Variants in RNGTT observed in about 807,000 individuals in gnomAD.
RNGTT encodes the protein mRNA-capping enzyme.
Under a neutral mutation model 79.3 loss-of-function variants are expected in RNGTT, and 33 were observed. The observed-to-expected ratio is 0.42, with a 90% CI of 0.32 to 0.56. The LOEUF is 0.56. RNGTT is among the 20% of genes least tolerant of loss of function. RNGTT has a pLI of 0.17. For synonymous variants in RNGTT, 222 were observed against 235.9 expected (o/e 0.94, Z 0.54); for missense variants, 497 against 739.1 (o/e 0.67, Z 3.80).
At chr6:88,806,528 G>T (rs1779961147) in intron 11 of RNGTT, among the ~76,000 whole-genome samples, 1 of 151,862 alleles carries the variant, frequency 6.6e-6, no homozygotes, top group Non-Finnish European at 1.5e-5. Context: ...TGTTAGCCAG[G>T]ATGGTCTCAA....
chr6:88,630,986 A>G (rs1041487552), intron 14 of RNGTT, among the ~76,000 whole-genome samples: 4 of 152,166 alleles, frequency 2.6e-5, no homozygotes, highest in Admixed American at 2.6e-4. Flanking sequence ...TGTTTACTTT[A>G]TTACAGCTTA....
rs567350585 is a variant in RNGTT, at chr6:88,649,552, C to T, written c.1506+28801G>A. ...CTTTAATAAAAATACAAAAAATTAG[C>T]TGGGCGTGGTGGCGGGCACCTGTAG... On this transcript the variant is annotated intron_variant, in intron 14 of 15. Transcript: ENST00000369485. 2.0e-4 allele frequency among the ~76,000 whole-genome samples: 30 copies of T among 152,244 alleles called. No homozygotes were observed. In the East Asian group the frequency reaches 4.6e-3, roughly 24 times the overall value.
rs867535186 is a variant in RNGTT, at chr6:88,838,799, C to T, written c.1269+5558G>A. Among the ~76,000 whole-genome samples the T allele has an allele frequency of 3.9e-5, 6 of 151,950 alleles. No homozygotes were observed. The South Asian group carries it at 1.3e-3, about 32-fold the overall frequency. Reference sequence around the variant, plus strand: ...TGAAAATGCAAAGGCCTAGAATAGCCAAAACAACTTAGAAAAGAACAACAA... The same window carrying T: ...TGAAAATGCAAAGGCCTAGAATAGCTAAAACAACTTAGAAAAGAACAACAA... On this transcript the variant is annotated intron_variant, in intron 11 of 15. Transcript: ENST00000369485.
chr6:88,771,315 GTATATATA>G lies in RNGTT; in HGVS notation c.1339-1449_1339-1442del, dbSNP rs539282627. ...ACTGTATGTATGTATGTGTGTGTGTGTATATATATATATATATATATATATATATATAT... is the reference window on the plus strand; with the variant it reads ...ACTGTATGTATGTATGTGTGTGTGTGTATATATATATATATATATATATAT... On this transcript the variant is annotated intron_variant, in intron 12 of 15. Coordinates refer to ENST00000369485, the MANE Select transcript of RNGTT (RefSeq NM_003800.5). Among the ~76,000 whole-genome samples, 169 of 62,070 alleles carry G rather than the reference GTATATATA, an allele frequency of 2.7e-3. 2 individuals are homozygous for G. Among genetic ancestry groups the G allele is most frequent in the South Asian group, 6.9e-3 (12 of 1,738 alleles). The allele number at this position is 62,070 out of a possible 152,430, so 40.7% of individuals were successfully genotyped here. A position where few individuals can be genotyped will look rare whatever the true frequency, so the allele number is the denominator to read the frequency against.
intron 12 of RNGTT, among the ~76,000 whole-genome samples, chr6:88,775,113 AT>A (rs1456307600): frequency 6.6e-6 from 1 of 152,130 alleles, no homozygotes; most frequent in African/African-American, 2.4e-5. Context: ...ATTAATTGAA[AT>A]TTTTTGATAT....
At chr6:88,833,354 A>C (rs1780943763) in intron 11 of RNGTT, among the ~76,000 whole-genome samples, 1 of 152,172 alleles carries the variant, frequency 6.6e-6, no homozygotes, top group Non-Finnish European at 1.5e-5. Context: ...TCTTCAACTC[A>C]TAAGTGGGAG....
chr6:88,946,437 A>G (rs991650140), intron 1 of RNGTT, among the ~76,000 whole-genome samples: 9 of 151,910 alleles, frequency 5.9e-5, no homozygotes, highest in Admixed American at 5.9e-4. Context: ...AATTAGGCCA[A>G]TTAATAACCC....
chr6:88,870,434 C>T (rs573738428), intron 8 of RNGTT, among the ~76,000 whole-genome samples: 1 of 151,478 alleles, frequency 6.6e-6, no homozygotes, highest in African/African-American at 2.4e-5. Flanking sequence ...ATAAATTTCA[C>T]TGCCTATAAA....
intron 13 of RNGTT, among the ~76,000 whole-genome samples, chr6:88,735,555 T>G (rs905319314): frequency 9.5e-6 from 1 of 105,036 alleles, no homozygotes; most frequent in East Asian, 2.5e-4. Flanking sequence ...TACTTCAGAA[T>G]AACACGAGTG....
chr6:88,733,643 C>T (rs1334970528), intron 13 of RNGTT, among the ~76,000 whole-genome samples: 2 of 151,604 alleles, frequency 1.3e-5, no homozygotes, highest in East Asian at 1.9e-4. Context: ...AATCTACACA[C>T]AGGCACATTA....
intron 11 of RNGTT, among the ~76,000 whole-genome samples, chr6:88,833,552 C>T (rs1414679272): frequency 6.6e-6 from 1 of 152,182 alleles, no homozygotes; most frequent in Non-Finnish European, 1.5e-5. Flanking sequence ...ATGTTCTGCA[C>T]ATGTATCCCA....
At chr6:88,700,818 T>C (rs1019838109) in intron 13 of RNGTT, among the ~76,000 whole-genome samples, 1 of 152,160 alleles carries the variant, frequency 6.6e-6, no homozygotes, top group Non-Finnish European at 1.5e-5. Flanking sequence ...TGAATAGATA[T>C]GACTTATTTC....
intron 12 of RNGTT, among the ~76,000 whole-genome samples, chr6:88,793,122 C>T (rs1267210332): frequency 6.6e-6 from 1 of 152,054 alleles, no homozygotes; most frequent in Non-Finnish European, 1.5e-5. Context: ...ATGAAAGGTA[C>T]ATATTAGTGA....
chr6:88,647,265 T>C (rs1043855909), intron 14 of RNGTT, among the ~76,000 whole-genome samples: 10 of 152,134 alleles, frequency 6.6e-5, no homozygotes, highest in African/African-American at 1.7e-4. Flanking sequence ...ATGTTACTTA[T>C]AGTTTATAAA....
intron 11 of RNGTT, among the ~76,000 whole-genome samples, chr6:88,823,184 T>C (rs1780548401): frequency 6.6e-6 from 1 of 152,212 alleles, no homozygotes; most frequent in African/African-American, 2.4e-5. Flanking sequence ...CCCAGCACTT[T>C]GGGAGGCCGA....
At chr6:88,735,567 T>TAAAAAAAAAAAAAAA (rs71554796) in intron 13 of RNGTT, among the ~76,000 whole-genome samples, 1 of 120,820 alleles carries the variant, frequency 8.3e-6, no homozygotes, top group Non-Finnish European at 1.8e-5. Context: ...ACACGAGTGT[T>TAAAAAAAAAAAAAAA]AAAAAAAAAA....
At chr6:88,901,780 A>G (rs771874564) in intron 6 of RNGTT, among the ~76,000 whole-genome samples, 4 of 152,142 alleles carry the variant, frequency 2.6e-5, no homozygotes, top group Non-Finnish European at 5.9e-5. Flanking sequence ...TTCAGGCGTG[A>G]GCCACTGCGC....
intron 8 of RNGTT, among the ~76,000 whole-genome samples, chr6:88,867,007 T>C (rs1782195783): frequency 6.6e-6 from 1 of 152,192 alleles, no homozygotes; most frequent in African/African-American, 2.4e-5. Context: ...CCTGGACCAA[T>C]AGCATTAGCA....
intron 12 of RNGTT, among the ~76,000 whole-genome samples, chr6:88,784,332 A>G (rs757447846): frequency 3.3e-5 from 5 of 152,114 alleles, no homozygotes; most frequent in Non-Finnish European, 7.4e-5. Flanking sequence ...ATCTAGTAAG[A>G]GAAATGGTAA....
Sources: allele counts gnomAD v4.1 joint callset (sites outside exome capture counted in the v4.1 genomes callset), GRCh38; gene constraint gnomAD v4.1.1; transcripts MANE v1.5; gene names NCBI Gene and HGNC (gene_info 2026-07-23, HGNC 2026-07-21).